Variants in PRPF3 observed in about 807,000 individuals in gnomAD.
The protein encoded by PRPF3 is U4/U6 small nuclear ribonucleoprotein Prp3.
Under a neutral mutation model 89.2 loss-of-function variants are expected in PRPF3, and 3 were observed. The observed-to-expected ratio is 0.03, with a 90% CI of 0.02 to 0.09. PRPF3 has a LOEUF of 0.09. Ranked by LOEUF, PRPF3 falls within the 10% of genes least tolerant of loss-of-function variation. PRPF3 has a pLI of 1.00. For synonymous variants in PRPF3, 270 were observed against 289.1 expected, an observed-to-expected ratio of 0.93 and a Z score of 0.67; for missense variants, 463 against 828.8, an observed-to-expected ratio of 0.56 and a Z score of 5.42.
chr1:150,350,509 A>G (rs781901217), intron 15 of PRPF3, among the ~76,000 whole-genome samples: 2 of 152,112 alleles, frequency 1.3e-5, no homozygotes, highest in Admixed American at 6.6e-5. Context: ...TATATCTTCT[A>G]TTTTTAAAAT....
intron 10 of PRPF3, 135 bp from the exon 11 acceptor site, chr1:150,344,027 A>G: frequency 1.3e-6 from 1 of 765,182 alleles, no homozygotes; most frequent in East Asian, 2.7e-5. Context: ...TCAAGATAGG[A>G]GTTATTGGAG....
chr1:150,323,219 C>G, intron 1 of PRPF3, among the ~76,000 whole-genome samples: 1 of 114,730 alleles, frequency 8.7e-6, no homozygotes, highest in Non-Finnish European at 1.7e-5. Context: ...TTCACTCTGT[C>G]GCTCAGGCTG....
chr1:150,323,992 G>A (rs1560081821), intron 1 of PRPF3, among the ~76,000 whole-genome samples: 1 of 151,776 alleles, frequency 6.6e-6, no homozygotes, highest in South Asian at 2.1e-4. Flanking sequence ...TCTTGGCCAG[G>A]CTGGTCTTGA....
intron 7 of PRPF3, among the ~76,000 whole-genome samples, chr1:150,336,328 G>A (rs1553867725): frequency 6.6e-6 from 1 of 152,140 alleles, no homozygotes; most frequent in African/African-American, 2.4e-5. Flanking sequence ...GTGGAGCTCA[G>A]GCCATAATGC....
At chr1:150,338,813 C>A (rs1657340597) in intron 8 of PRPF3, among the ~76,000 whole-genome samples, 1 of 152,120 alleles carries the variant, frequency 6.6e-6, no homozygotes, top group Admixed American at 6.6e-5. Flanking sequence ...CTGCACCTGG[C>A]CAAGCTCCTG....
intron 15 of PRPF3, among the ~76,000 whole-genome samples, chr1:150,352,603 T>C (rs959379218): frequency 2.6e-5 from 4 of 152,078 alleles, no homozygotes; most frequent in Admixed American, 2.0e-4. Flanking sequence ...AGGCGGAGCT[T>C]GCAGTGAGCC....
At chr1:150,333,961 T>C (rs1656698084) in intron 6 of PRPF3, among the ~76,000 whole-genome samples, 1 of 152,180 alleles carries the variant, frequency 6.6e-6, no homozygotes, top group South Asian at 2.1e-4. Flanking sequence ...TATAAACTCA[T>C]TTCATTTGGT....
intron 12 of PRPF3, chr1:150,345,557 GC>G (rs1658196460): frequency 5.1e-6 from 1 of 194,216 alleles, no homozygotes; most frequent in African/African-American, 2.4e-5. Flanking sequence ...CACCATGTTG[GC>G]CAGGCTGGTC....
chr1:150,325,934 G>C, intron 3 of PRPF3, 53 bp downstream of exon 3: 1 of 1,599,420 alleles, frequency 6.3e-7, no homozygotes, highest in Non-Finnish European at 8.5e-7. Flanking sequence ...AATGGTAACA[G>C]AGTTGCTGAG....
intron 14 of PRPF3, among the ~76,000 whole-genome samples, chr1:150,346,971 T>C (rs1658327847): frequency 6.6e-6 from 1 of 152,042 alleles, no homozygotes; most frequent in Admixed American, 6.6e-5. Context: ...CACACCTGTA[T>C]TCCCAGCTAC....
Position 150,335,255 on chromosome 1 carries a change from A to C in PRPF3, c.1035+14A>C. On this transcript the variant is annotated intron_variant, in intron 7 of 15. Coordinates refer to ENST00000324862, the MANE Select transcript of PRPF3 (RefSeq NM_004698.4). ...TTACGGACAAAGGTATCTGGCTTAGAGTATAACACAGAATTTGGAAAAAGT... is the reference window on the plus strand; with the variant it reads ...TTACGGACAAAGGTATCTGGCTTAGCGTATAACACAGAATTTGGAAAAAGT... 1 of 1,610,376 alleles carries C rather than the reference A, an allele frequency of 6.2e-7. No individual in the cohort carries two copies. Among genetic ancestry groups the C allele is most frequent in the Non-Finnish European group, 8.5e-7 (1 of 1,176,730 alleles).
At chr1:150,337,189 C>G (rs1293142029) in intron 7 of PRPF3, among the ~76,000 whole-genome samples, 1 of 151,920 alleles carries the variant, frequency 6.6e-6, no homozygotes, top group Non-Finnish European at 1.5e-5. Context: ...TAGGCGCCCG[C>G]CACCACGCCC....
intron 9 of PRPF3, among the ~76,000 whole-genome samples, chr1:150,341,241 G>T (rs1360444776): frequency 6.6e-6 from 1 of 151,736 alleles, no homozygotes; most frequent in Non-Finnish European, 1.5e-5. Flanking sequence ...ACCACATGTT[G>T]TTGTGGCATC....
At chr1:150,324,245 A>T (rs1206579702) in intron 1 of PRPF3, among the ~76,000 whole-genome samples, 2 of 152,110 alleles carry the variant, frequency 1.3e-5, no homozygotes, top group African/African-American at 2.4e-5. Flanking sequence ...TGGCCTCTGG[A>T]TGGGCTTTTT....
intron 9 of PRPF3, among the ~76,000 whole-genome samples, chr1:150,342,605 C>G (rs1166474810): frequency 6.6e-6 from 1 of 152,072 alleles, no homozygotes; most frequent in Non-Finnish European, 1.5e-5. Flanking sequence ...TCACTGCAAC[C>G]TCCACCTCCC....
intron 4 of PRPF3, among the ~76,000 whole-genome samples, chr1:150,331,640 C>T (rs1341507176): frequency 1.3e-5 from 2 of 152,148 alleles, no homozygotes; most frequent in Non-Finnish European, 2.9e-5. Flanking sequence ...GCTGGGATTA[C>T]AGGCGTGAGC....
chr1:150,332,803 T>G (rs1553866014), intron 5 of PRPF3, 36 bp downstream of exon 5: 2 of 1,603,790 alleles, frequency 1.2e-6, no homozygotes, highest in Middle Eastern at 1.7e-4. Context: ...AGAATAATCT[T>G]TGGCACAGAA....
At chr1:150,349,592 G>A (rs1467623877) in intron 15 of PRPF3, among the ~76,000 whole-genome samples, 3 of 152,172 alleles carry the variant, frequency 2.0e-5, no homozygotes, top group African/African-American at 7.2e-5. Flanking sequence ...AGAATATAAA[G>A]TTAGGAGGCT....
At chr1:150,342,098 G>A (rs1657806241) in intron 9 of PRPF3, among the ~76,000 whole-genome samples, 1 of 151,906 alleles carries the variant, frequency 6.6e-6, no homozygotes, top group Admixed American at 6.6e-5. Flanking sequence ...AGAAAGATAA[G>A]AGGCCAGGCG....
Sources: gnomAD v4.1 joint callset for allele counts (sites outside exome capture counted in the v4.1 genomes callset) on GRCh38, gnomAD v4.1.1 for gene constraint, MANE v1.5 for transcripts, NCBI Gene and HGNC (gene_info 2026-07-23, HGNC 2026-07-21) for gene names.